LSAMP: variants seen among roughly 807,000 people sequenced by gnomAD.
The protein encoded by LSAMP is limbic system associated membrane protein, also known as limbic system-associated membrane protein.
A neutral mutation model predicts 38.6 loss-of-function variants in LSAMP; 7 were observed. That is an observed-to-expected ratio of 0.18 (90% CI 0.10 to 0.34). The LOEUF is 0.34. Ranked by LOEUF, LSAMP falls within the 10% of genes least tolerant of loss-of-function variation. LSAMP has a pLI of 1.00. For synonymous variants in LSAMP, 154 were observed against 166.8 expected (o/e 0.92, Z 0.59); for missense variants, 313 against 420.0 (o/e 0.75, Z 2.23).
intron 2 of LSAMP, among the ~76,000 whole-genome samples, chr3:116,067,196 GT>G (rs948311325): frequency 6.6e-6 from 1 of 152,114 alleles, no homozygotes; most frequent in African/African-American, 2.4e-5. Context: ...TGATGCCTTA[GT>G]GTCTGAGCTT....
At chr3:116,248,476 AATGT>A (rs2046631307) in intron 1 of LSAMP, among the ~76,000 whole-genome samples, 1 of 102,804 alleles carries the variant, frequency 9.7e-6, no homozygotes, top group East Asian at 3.1e-4. Context: ...CCCTGTCTCT[AATGT>A]GTGTGTGTGT....
At chr3:116,192,177 A>C (rs1192152416) in intron 1 of LSAMP, among the ~76,000 whole-genome samples, 1 of 152,266 alleles carries the variant, frequency 6.6e-6, no homozygotes, top group Non-Finnish European at 1.5e-5. Context: ...ATTGGATATT[A>C]ATACAACAAT....
intron 6 of LSAMP, among the ~76,000 whole-genome samples, chr3:115,812,343 G>A (rs1342542924): frequency 6.6e-6 from 1 of 152,178 alleles, no homozygotes; most frequent in Non-Finnish European, 1.5e-5. Flanking sequence ...TCAGGTTCAT[G>A]CATTTCATGA....
At position 115,833,173 on chromosome 3, in the gene LSAMP, G is replaced by A. The variant is rs116542970; in HGVS notation, c.919+8672C>T. On this transcript the variant is annotated intron_variant, in intron 6 of 6. Coordinates refer to ENST00000490035, the MANE Select transcript of LSAMP (RefSeq NM_002338.5). ...ATTTGCAAGAGGGCAACATGATAAAGTGATGTCAATCTCTGCAGCAACACT... is the reference window on the plus strand; with the variant it reads ...ATTTGCAAGAGGGCAACATGATAAAATGATGTCAATCTCTGCAGCAACACT... 3.4e-3 allele frequency among the ~76,000 whole-genome samples: 517 copies of A among 152,226 alleles called. 1 individual carries two copies. Among genetic ancestry groups the A allele is most frequent in the African/African-American group, 0.012 (484 of 41,548 alleles).
chr3:116,025,874 T>C (rs999071292), intron 2 of LSAMP, among the ~76,000 whole-genome samples: 3 of 152,218 alleles, frequency 2.0e-5, no homozygotes, highest in African/African-American at 7.2e-5. Flanking sequence ...TATGTGTTAA[T>C]TTTAAAATTT....
At chr3:115,896,947 G>A (rs760494324) in intron 3 of LSAMP, among the ~76,000 whole-genome samples, 15 of 152,078 alleles carry the variant, frequency 9.9e-5, no homozygotes, top group Non-Finnish European at 1.8e-4. Flanking sequence ...AACACATTCT[G>A]AGCAAGGCCT....
At chr3:116,378,073 C>T (rs965384133) in intron 1 of LSAMP, among the ~76,000 whole-genome samples, 1 of 152,048 alleles carries the variant, frequency 6.6e-6, no homozygotes, top group African/African-American at 2.4e-5. Flanking sequence ...TTTCTGTCTC[C>T]TTCTAGGGCT....
intron 1 of LSAMP, among the ~76,000 whole-genome samples, chr3:116,098,781 G>T (rs780973458): frequency 6.6e-6 from 1 of 152,012 alleles, no homozygotes; most frequent in Admixed American, 6.6e-5. Context: ...TTTGCTGGAG[G>T]CCTGTCTCTT....
chr3:116,117,714 G>A (rs987401541), intron 1 of LSAMP, among the ~76,000 whole-genome samples: 1 of 151,972 alleles, frequency 6.6e-6, no homozygotes, highest in Admixed American at 6.6e-5. Flanking sequence ...AATGATATTT[G>A]TCTAATTTTT....
intron 1 of LSAMP, among the ~76,000 whole-genome samples, chr3:116,145,600 CA>C: frequency 6.6e-6 from 1 of 151,924 alleles, no homozygotes; most frequent in Middle Eastern, 3.4e-3. Flanking sequence ...AGATCCCCCC[CA>C]AAAAATACCT....
intron 2 of LSAMP, among the ~76,000 whole-genome samples, chr3:116,068,140 G>A (rs943668725): frequency 6.6e-6 from 1 of 152,292 alleles, no homozygotes; most frequent in African/African-American, 2.4e-5. Flanking sequence ...CATTCTGAGA[G>A]AAGTAAATAT....
intron 1 of LSAMP, among the ~76,000 whole-genome samples, chr3:116,194,246 T>C (rs1024014617): frequency 1.3e-5 from 2 of 151,884 alleles, no homozygotes; most frequent in Non-Finnish European, 2.9e-5. Context: ...AGACCTCAGA[T>C]AGAAATGCAG....
rs545795793 is a variant in LSAMP at position 116,196,307 on chromosome 3, T to C, written c.156-109751A>G. 2.6e-5 allele frequency among the ~76,000 whole-genome samples: 4 copies of C among 152,328 alleles called. No homozygotes were observed. In the South Asian group the frequency reaches 8.3e-4, roughly 32 times the overall value. On this transcript the variant is annotated intron_variant, in intron 1 of 6. Coordinates refer to ENST00000490035, the MANE Select transcript of LSAMP (RefSeq NM_002338.5). The stretch of plus-strand genomic sequence containing the variant: ...ATAATTCCTGGCTCTAAGTCTTCTG[T>C]AAATATTTGATGATAAGATTAATTA...
intron 5 of LSAMP, 89 bp downstream of exon 5, chr3:115,842,369 A>C (rs1559846311): frequency 3.8e-5 from 57 of 1,493,800 alleles, no homozygotes; most frequent in Non-Finnish European, 4.8e-5. Context: ...CATAATTACA[A>C]CTGGCTTGGC....
chr3:116,197,468 G>T (rs1710919563), intron 1 of LSAMP, among the ~76,000 whole-genome samples: 1 of 152,104 alleles, frequency 6.6e-6, no homozygotes, highest in Non-Finnish European at 1.5e-5. Context: ...TACTCAGCTA[G>T]ATCGGATAAG....
chr3:115,920,691 T>C (rs1047192928), intron 3 of LSAMP, among the ~76,000 whole-genome samples: 5 of 152,274 alleles, frequency 3.3e-5, no homozygotes, highest in Middle Eastern at 3.4e-3. Context: ...GTATTCTGTA[T>C]ATGTCTGTTA....
chr3:116,254,409 A>T (rs930679560), intron 1 of LSAMP, among the ~76,000 whole-genome samples: 1 of 152,074 alleles, frequency 6.6e-6, no homozygotes, highest in Non-Finnish European at 1.5e-5. Context: ...AAAATTAAAG[A>T]AAGAGGAGGG....
intron 4 of LSAMP, among the ~76,000 whole-genome samples, chr3:115,849,400 C>T (rs1240891588): frequency 6.6e-6 from 1 of 152,110 alleles, no homozygotes; most frequent in African/African-American, 2.4e-5. Context: ...TCTCTCAGTG[C>T]CCTGCAACAA....
chr3:116,090,660 CAGAGTACAAAAG>C (rs1708101973), intron 1 of LSAMP, among the ~76,000 whole-genome samples: 1 of 152,034 alleles, frequency 6.6e-6, no homozygotes, highest in African/African-American at 2.4e-5. Context: ...AATAAAAGGA[CAGAGTACAAAAG>C]AGAGAAATTT....
Sources: gnomAD v4.1 joint callset for allele counts (sites outside exome capture counted in the v4.1 genomes callset) on GRCh38, gnomAD v4.1.1 for gene constraint, MANE v1.5 for transcripts, NCBI Gene and HGNC (gene_info 2026-07-23, HGNC 2026-07-21) for gene names.